Variants in ADAM18 observed in about 807,000 individuals in gnomAD.
ADAM18 encodes ADAM metallopeptidase domain 18.
ADAM18 carries 117 observed loss-of-function variants against 94.4 expected under a neutral mutation model. That is an observed-to-expected ratio of 1.24 (90% CI 1.07 to 1.45). The LOEUF (loss-of-function observed/expected upper bound fraction) is 1.45. ADAM18 is among the 40% of genes most tolerant of loss of function. The pLI is 0.00. For missense variants in ADAM18, 936 were observed against 880.0 expected (o/e 1.06, Z -0.81); for synonymous variants, 327 against 291.6 (o/e 1.12, Z -1.24).
chr8:39,632,931 T>C (rs1819973087), intron 7 of ADAM18, among the ~76,000 whole-genome samples: 1 of 152,188 alleles, frequency 6.6e-6, no homozygotes, highest in Non-Finnish European at 1.5e-5. Context: ...AATTCATGTA[T>C]TGAAACATAA....
At chr8:39,707,507 A>C (rs978210286) in intron 18 of ADAM18, among the ~76,000 whole-genome samples, 3 of 152,214 alleles carry the variant, frequency 2.0e-5, no homozygotes, top group Non-Finnish European at 4.4e-5. Context: ...TTTATCATGC[A>C]CTGCAGTCTT....
At chr8:39,707,037 T>C (rs1323277202) in intron 18 of ADAM18, 133 bp downstream of exon 18, 4 of 571,114 alleles carry the variant, frequency 7.0e-6, no homozygotes, top group South Asian at 2.5e-5. Context: ...GGGGGATACA[T>C]TCTAAAACCC....
At chr8:39,664,436 C>T (rs929850523) in intron 13 of ADAM18, among the ~76,000 whole-genome samples, 1 of 152,054 alleles carries the variant, frequency 6.6e-6, no homozygotes, top group African/African-American at 2.4e-5. Context: ...TTTAATATGC[C>T]TGAGGGTTCC....
intron 18 of ADAM18, among the ~76,000 whole-genome samples, chr8:39,718,005 G>A (rs1023667726): frequency 3.3e-5 from 5 of 151,360 alleles, no homozygotes; most frequent in African/African-American, 9.7e-5. Flanking sequence ...TAATCATCAA[G>A]GAAATAAAAA....
intron 17 of ADAM18, among the ~76,000 whole-genome samples, chr8:39,701,075 G>A (rs1301212771): frequency 7.3e-5 from 8 of 109,812 alleles, no homozygotes; most frequent in Admixed American, 4.2e-4. Flanking sequence ...CCGAGATCCC[G>A]CCACTGCACT....
intron 14 of ADAM18, 107 bp downstream of exon 14, chr8:39,668,303 TAATAAA>T: frequency 1.9e-6 from 2 of 1,073,782 alleles, no homozygotes; most frequent in South Asian, 3.8e-5. Flanking sequence ...ACCACAAGAT[TAATAAA>T]AATTAAATTT....
chr8:39,666,773 C>T (rs543728687), intron 13 of ADAM18, among the ~76,000 whole-genome samples: 7 of 152,316 alleles, frequency 4.6e-5, no homozygotes, highest in African/African-American at 1.7e-4. Flanking sequence ...ATTGAATTAT[C>T]TCCCACCGGG....
chr8:39,599,880 T>G (rs769572111), intron 2 of ADAM18, among the ~76,000 whole-genome samples: 15 of 147,606 alleles, frequency 1.0e-4, no homozygotes, highest in Non-Finnish European at 1.8e-4. Context: ...AAATTTGTGT[T>G]TTTTTTTTTA....
intron 16 of ADAM18, among the ~76,000 whole-genome samples, chr8:39,691,195 C>T (rs557524821): frequency 6.6e-6 from 1 of 152,130 alleles, no homozygotes; most frequent in East Asian, 1.9e-4. Flanking sequence ...TTATAAGGTA[C>T]AATGTACCTT....
chr8:39,637,036 T>C (rs76108140), intron 7 of ADAM18, among the ~76,000 whole-genome samples: 63,577 of 136,678 alleles, frequency 0.47, 15,717 homozygotes, highest in South Asian at 0.57. Context: ...TATATATATA[T>C]ATATATATAT....
chr8:39,687,314 G>A (rs1439081689), intron 16 of ADAM18, among the ~76,000 whole-genome samples: 1 of 152,124 alleles, frequency 6.6e-6, no homozygotes, highest in Non-Finnish European at 1.5e-5. Flanking sequence ...TGCATAATTT[G>A]TCTTCTTATT....
intron 2 of ADAM18, among the ~76,000 whole-genome samples, chr8:39,586,410 C>A (rs1375985821): frequency 1.3e-5 from 2 of 152,190 alleles, no homozygotes; most frequent in African/African-American, 4.8e-5. Flanking sequence ...AACTCCATTT[C>A]CACTACAGTA....
At chr8:39,612,461 C>T (rs369409031) in intron 6 of ADAM18, among the ~76,000 whole-genome samples, 13 of 152,306 alleles carry the variant, frequency 8.5e-5, no homozygotes, top group African/African-American at 3.1e-4. Context: ...ATGACCCCCA[C>T]AGACACTTGA....
intron 7 of ADAM18, among the ~76,000 whole-genome samples, chr8:39,631,980 A>G (rs1819942114): frequency 6.6e-6 from 1 of 152,050 alleles, no homozygotes; most frequent in Admixed American, 6.6e-5. Flanking sequence ...TTCTGAAAAC[A>G]TAGTTGACAC....
At chr8:39,715,189 A>G (rs1822536491) in intron 18 of ADAM18, among the ~76,000 whole-genome samples, 1 of 152,084 alleles carries the variant, frequency 6.6e-6, no homozygotes, top group South Asian at 2.1e-4. Flanking sequence ...GTAAAGCCCT[A>G]AAATACTTGG....
chr8:39,628,458 T>TA (rs1489399035), intron 6 of ADAM18, among the ~76,000 whole-genome samples: 1 of 148,484 alleles, frequency 6.7e-6, no homozygotes, highest in African/African-American at 2.5e-5. Flanking sequence ...GATAGATAGA[T>TA]AAACAACAAT....
rs572283516 is a variant in ADAM18, at chr8:39,672,432, G to A, written c.1525+4236G>A. Among the ~76,000 whole-genome samples, 10 of 152,298 alleles carry A rather than the reference G, an allele frequency of 6.6e-5. No homozygotes were observed. In the South Asian group the frequency reaches 1.4e-3, roughly 22 times the overall value. On this transcript the variant is annotated intron_variant, in intron 14 of 19. Transcript: ENST00000265707. The stretch of plus-strand genomic sequence containing the variant: ...TGTTATAAGCAGTAGATATGCAGTA[G>A]CAGACATGGGTACCTTCCCTACCAA...
In ADAM18 at chr8:39,675,754, T is replaced by C. The variant is rs145874309; in HGVS notation, c.1526-1677T>C. Reference sequence around the variant, plus strand: ...TTTCTGCTCTGGTTTCTTCCCACCTTTGTGGTTTTGTCTACCTTTGGTCTT... The same window carrying C: ...TTTCTGCTCTGGTTTCTTCCCACCTCTGTGGTTTTGTCTACCTTTGGTCTT... On this transcript the variant is annotated intron_variant, in intron 14 of 19. Coordinates refer to ENST00000265707, the MANE Select transcript of ADAM18 (RefSeq NM_014237.3). Among the ~76,000 whole-genome samples, 1,306 of 152,340 alleles carry C rather than the reference T, an allele frequency of 8.6e-3. 17 individuals are homozygous for C. The highest frequency in any genetic ancestry group is 0.03 in the African/African-American group (1,239 of 41,564).
intron 2 of ADAM18, among the ~76,000 whole-genome samples, chr8:39,598,578 G>A (rs1021610725): frequency 6.6e-6 from 1 of 151,886 alleles, no homozygotes; most frequent in Non-Finnish European, 1.5e-5. Flanking sequence ...GACCTGCCTG[G>A]CCAACATGGC....
Sources: allele counts gnomAD v4.1 joint callset (sites outside exome capture counted in the v4.1 genomes callset), GRCh38; gene constraint gnomAD v4.1.1; transcripts MANE v1.5; gene names NCBI Gene and HGNC (gene_info 2026-07-23, HGNC 2026-07-21).